The following TMEM132C variants were observed in gnomAD, a reference collection of about 807,000 sequenced individuals.
TMEM132C encodes protein phosphatase 1, regulatory subunit 152.
TMEM132C carries 29 observed loss-of-function variants against 61.4 expected under a neutral mutation model. The observed-to-expected ratio is 0.47, with a 90% CI of 0.35 to 0.64. The LOEUF (loss-of-function observed/expected upper bound fraction) is 0.64. Among genes scored for constraint, TMEM132C ranks in the 30% least tolerant of loss-of-function variants. TMEM132C has a pLI of 0.00. For missense variants in TMEM132C, 1,408 were observed against 1,476.9 expected (o/e 0.95, Z 0.76); for synonymous variants, 656 against 633.1 (o/e 1.04, Z -0.54).
intron 1 of TMEM132C, among the ~76,000 whole-genome samples, chr12:128,322,164 G>C (rs968314073): frequency 1.3e-5 from 2 of 152,214 alleles, no homozygotes; most frequent in African/African-American, 2.4e-5. Context: ...GCCTCCATCT[G>C]TCTCTCTTGG....
At chr12:128,508,925 C>T (rs946724538) in intron 2 of TMEM132C, among the ~76,000 whole-genome samples, 2 of 152,182 alleles carry the variant, frequency 1.3e-5, no homozygotes, top group African/African-American at 4.8e-5. Context: ...CACAGTTATT[C>T]GTCTCCTAAC....
At chr12:128,397,890 C>T (rs1380194741) in intron 1 of TMEM132C, among the ~76,000 whole-genome samples, 1 of 152,178 alleles carries the variant, frequency 6.6e-6, no homozygotes, top group East Asian at 1.9e-4. Flanking sequence ...GTTTGATAAA[C>T]ACAGTTTAAT....
chr12:128,649,622 A>C (rs1954247566), intron 4 of TMEM132C, among the ~76,000 whole-genome samples: 1 of 152,340 alleles, frequency 6.6e-6, no homozygotes, highest in South Asian at 2.1e-4. Flanking sequence ...CAAGTGATGC[A>C]AAATATTGCA....
At chr12:128,534,159 C>G (rs1290003146) in intron 2 of TMEM132C, among the ~76,000 whole-genome samples, 1 of 152,134 alleles carries the variant, frequency 6.6e-6, no homozygotes, top group African/African-American at 2.4e-5. Flanking sequence ...CTTAATCATC[C>G]CTGTGTTATA....
intron 3 of TMEM132C, among the ~76,000 whole-genome samples, chr12:128,558,468 T>C (rs569100768): frequency 6.6e-6 from 1 of 152,350 alleles, no homozygotes; most frequent in South Asian, 2.1e-4. Flanking sequence ...CCATGTAAGA[T>C]GTGACTTTGC....
At chr12:128,611,989 AT>A (rs1414571307) in intron 3 of TMEM132C, among the ~76,000 whole-genome samples, 2 of 152,332 alleles carry the variant, frequency 1.3e-5, no homozygotes, top group African/African-American at 4.8e-5. Flanking sequence ...CATACTATGC[AT>A]TTTTTAGAGA....
chr12:128,497,552 C>T (rs1427316548), intron 2 of TMEM132C, among the ~76,000 whole-genome samples: 3 of 152,226 alleles, frequency 2.0e-5, no homozygotes, highest in African/African-American at 4.8e-5. Flanking sequence ...CCCCCAGCCT[C>T]GCTGCTGCCT....
In TMEM132C at chr12:128,671,965, A is replaced by G. The variant is rs527761411; in HGVS notation, c.1449+2405A>G. 1.1e-3 allele frequency among the ~76,000 whole-genome samples: 174 copies of G among 152,330 alleles called. 1 individual carries two copies. Among genetic ancestry groups the G allele is most frequent in the African/African-American group, 4.0e-3 (165 of 41,578 alleles). On this transcript the variant is annotated intron_variant, in intron 5 of 8. Transcript: ENST00000435159. ...AAATCACACTGTCCAATGGAAACAC[A>G]ATGTGAGCCACATATGAAATTTTAA...
intron 1 of TMEM132C, among the ~76,000 whole-genome samples, chr12:128,296,187 C>A (rs756846786): frequency 6.6e-6 from 1 of 152,208 alleles, no homozygotes; most frequent in African/African-American, 2.4e-5. Context: ...GCATTGAGAC[C>A]TGAGTTTCCC....
At chr12:128,410,365 A>ATG (rs1868491735) in intron 1 of TMEM132C, among the ~76,000 whole-genome samples, 2 of 126,168 alleles carry the variant, frequency 1.6e-5, no homozygotes, top group Non-Finnish European at 3.7e-5. Flanking sequence ...CTAGTTCTGA[A>ATG]TATATATACA....
In TMEM132C at chr12:128,610,307, G is replaced by A. The variant is rs147860909; in HGVS notation, c.1122-5845G>A. ...GGCACTAAGCTGTCAACCAACTTTG[G>A]AGCTAAAATCCCTGACTCCCTGTAG... On this transcript the variant is annotated intron_variant, in intron 3 of 8. Transcript: ENST00000435159. 5.8e-3 allele frequency among the ~76,000 whole-genome samples: 882 copies of A among 152,224 alleles called. 5 individuals are homozygous for A. Among genetic ancestry groups the A allele is most frequent in the South Asian group, 0.023 (113 of 4,812 alleles).
chr12:128,644,204 A>G (rs1954178838), intron 4 of TMEM132C, among the ~76,000 whole-genome samples: 1 of 152,234 alleles, frequency 6.6e-6, no homozygotes, highest in African/African-American at 2.4e-5. Flanking sequence ...CAGTTTCTTA[A>G]TAGGTGAAAT....
chr12:128,585,479 A>G (rs1314688143), intron 3 of TMEM132C, among the ~76,000 whole-genome samples: 1 of 152,268 alleles, frequency 6.6e-6, no homozygotes, highest in Non-Finnish European at 1.5e-5. Context: ...CCCAAAGGCT[A>G]TGACCCAACT....
chr12:128,633,594 T>G (rs1340250251), intron 4 of TMEM132C, among the ~76,000 whole-genome samples: 2 of 152,176 alleles, frequency 1.3e-5, no homozygotes, highest in Non-Finnish European at 2.9e-5. Context: ...CTCAATAATT[T>G]TTAAGACAAT....
chr12:128,375,142 C>T (rs1244103249), intron 1 of TMEM132C, among the ~76,000 whole-genome samples: 1 of 151,872 alleles, frequency 6.6e-6, no homozygotes, highest in African/African-American at 2.4e-5. Flanking sequence ...CCAAAGATGC[C>T]CTTAGATCTT....
chr12:128,593,573 G>C (rs535118457), intron 3 of TMEM132C, among the ~76,000 whole-genome samples: 5 of 152,188 alleles, frequency 3.3e-5, no homozygotes, highest in Non-Finnish European at 7.4e-5. Context: ...TCTGGGTTCC[G>C]GTCCTGCTCC....
intron 1 of TMEM132C, among the ~76,000 whole-genome samples, chr12:128,275,678 A>G (rs991751338): frequency 2.0e-5 from 3 of 152,222 alleles, no homozygotes; most frequent in South Asian, 2.1e-4. Flanking sequence ...AAGGTTGGGG[A>G]CCACTGTGCT....
chr12:128,527,570 C>T (rs1873128078), intron 2 of TMEM132C, among the ~76,000 whole-genome samples: 1 of 152,174 alleles, frequency 6.6e-6, no homozygotes, highest in South Asian at 2.1e-4. Context: ...TGGATGGGCT[C>T]TTTTGCCCTT....
In TMEM132C at chr12:128,625,011, C is replaced by A. The variant is rs956608411; in HGVS notation, c.1305+8676C>A. On this transcript the variant is annotated intron_variant, in intron 4 of 8. Coordinates refer to ENST00000435159, the MANE Select transcript of TMEM132C (RefSeq NM_001136103.3). ...GAAACTAGCAAGGGAGGGGGGTGAC[C>A]CTATGCTTGTGCCAATAGGAGATTG... Among the ~76,000 whole-genome samples the A allele has an allele frequency of 2.0e-5, 3 of 152,094 alleles. No homozygotes were observed. In the South Asian group the frequency reaches 6.2e-4, roughly 32 times the overall value.
Sources: gnomAD v4.1 joint callset for allele counts (sites outside exome capture counted in the v4.1 genomes callset) on GRCh38, gnomAD v4.1.1 for gene constraint, MANE v1.5 for transcripts, NCBI Gene and HGNC (gene_info 2026-07-23, HGNC 2026-07-21) for gene names.